Variants in TRRAP observed in about 807,000 individuals in gnomAD.
TRRAP encodes transformation/transcription domain-associated protein.
A neutral mutation model predicts 438.8 loss-of-function variants in TRRAP; 41 were observed. That is an observed-to-expected ratio of 0.09 (90% CI 0.07 to 0.12). The LOEUF is 0.12. Among genes scored for constraint, TRRAP ranks in the 10% least tolerant of loss-of-function variants. TRRAP has a pLI of 1.00. For synonymous variants in TRRAP, 1,994 were observed against 1,962.9 expected, an observed-to-expected ratio of 1.02 and a Z score of -0.42; for missense variants, 3,122 against 5,055.1, an observed-to-expected ratio of 0.62 and a Z score of 11.60.
At position 98,994,043 on chromosome 7, in the gene TRRAP, A is replaced by G. The variant is rs1426884590; in HGVS notation, c.10047+306A>G. ...CTGTTAACCAGGTGTGAGCAGGAGC[A>G]GTGGCATGAGTAACAGGGTTATAAT... On this transcript the variant is annotated intron_variant, in intron 66 of 72. Coordinates refer to ENST00000456197, the MANE Select transcript of TRRAP (RefSeq NM_001375524.1). This position sits in a 1 kb window ranked among gnomAD's most constrained non-coding sequence, Gnocchi z 4.8. Among the ~76,000 whole-genome samples, 1 of 152,230 alleles carries G rather than the reference A, an allele frequency of 6.6e-6. No individual in the cohort carries two copies. The highest frequency in any genetic ancestry group is 1.5e-5 in the Non-Finnish European group (1 of 68,036).
At position 98,956,572 on chromosome 7, in the gene TRRAP, G is replaced by C. The variant is rs1554419878; in HGVS notation, c.6231+39G>C. 1 of 1,592,234 alleles carries C rather than the reference G, an allele frequency of 6.3e-7. No individual in the cohort carries two copies. Among genetic ancestry groups the C allele is most frequent in the South Asian group, 1.1e-5 (1 of 87,342 alleles). On this transcript the variant is annotated intron_variant, in intron 43 of 72. Transcript: ENST00000456197. The surrounding 1 kb of genome is among the most constrained non-coding windows in gnomAD (Gnocchi z 4.5). ...CCTCTGTATGGGTGCTGCGCATTCTGCTGGGAGTTGGTTCGTTTATTCCCT... is the reference window on the plus strand; with the variant it reads ...CCTCTGTATGGGTGCTGCGCATTCTCCTGGGAGTTGGTTCGTTTATTCCCT...
rs1562967978 is a variant in TRRAP, at chr7:98,976,465, CAT to C, written c.7960-17_7960-16del. On this transcript the variant is annotated splice_polypyrimidine_tract_variant and intron_variant, in intron 54 of 72. Transcript: ENST00000456197. This position sits in a 1 kb window ranked among gnomAD's most constrained non-coding sequence, Gnocchi z 4.6. ...GATTTTTGAATGAAGGCCTAAATGA[CAT>C]GTGCTTTGGTTTCAGGCACTCGCGG... is the stretch of plus-strand genomic sequence containing the variant. 2 of 1,600,948 alleles carry C rather than the reference CAT, an allele frequency of 1.2e-6. No individual in the cohort carries two copies. Among genetic ancestry groups the C allele is most frequent in the Non-Finnish European group, 8.5e-7 (1 of 1,175,532 alleles).
intron 67 of TRRAP, chr7:98,999,434 C>G: frequency 5.1e-6 from 5 of 975,314 alleles, no homozygotes; most frequent in Non-Finnish European, 8.2e-6. Context: ...CAAAATCTAG[C>G]TCTGATGGGA....
Position 98,952,753 on chromosome 7 carries a change from G to C in TRRAP, c.5464-414G>C, listed in dbSNP as rs193012299. ...CAAAGAAGGGGACCAGGTAGGGGAA[G>C]AGTCAGTTCTGTGTTCATCTCATGC... On this transcript the variant is annotated intron_variant, in intron 39 of 72. Coordinates refer to ENST00000456197, the MANE Select transcript of TRRAP (RefSeq NM_001375524.1). Among the ~76,000 whole-genome samples the C allele has an allele frequency of 1.0e-3, 153 of 152,306 alleles. 1 individual carries two copies. Among genetic ancestry groups the C allele is most frequent in the African/African-American group, 3.6e-3 (149 of 41,566 alleles).
intron 3 of TRRAP, 152 bp from the exon 4 acceptor site, chr7:98,890,183 T>A: frequency 2.4e-6 from 1 of 416,520 alleles, no homozygotes; most frequent in Admixed American, 4.5e-5. Flanking sequence ...TCATCCTAAT[T>A]TAAAATTATG....
chr7:99,011,095 C>T lies in TRRAP; in HGVS notation c.10982C>T (p.Pro3661Leu), dbSNP rs746185285. ...ILKEVQSNMV[P>L]RSMLKEWALH... is the part of the protein sequence containing the mutation. ...AAGGAGGTTCAGAGTAACATGGTGC[C>T]GCGCAGCATGCTCAAGGAGTGGGCG... The change falls in exon 71 of 73, where the codon CCG becomes CTG. Residue 3661 changes from proline to leucine, a missense_variant. Physicochemically the swap from Pro to Leu is moderately conservative, Grantham distance 98. Coordinates refer to ENST00000456197, the MANE Select transcript of TRRAP (RefSeq NM_001375524.1). The surrounding 1 kb of genome is among the most constrained non-coding windows in gnomAD (Gnocchi z 7.1). The T allele has an allele frequency of 5.6e-6, 9 of 1,614,028 alleles. No individual in the cohort carries two copies. The highest frequency in any genetic ancestry group is 4.5e-5 in the East Asian group (2 of 44,890).
At chr7:98,935,526 A>ATTATG in intron 27 of TRRAP, 53 bp from the exon 28 acceptor site, 1 of 1,516,308 alleles carries the variant, frequency 6.6e-7, no homozygotes, top group Admixed American at 1.7e-5. Context: ...TTGCAAGGTT[A>ATTATG]TTATGTCTTC....
intron 47 of TRRAP, among the ~76,000 whole-genome samples, chr7:98,962,889 A>G (rs754750263): frequency 5.9e-5 from 9 of 152,056 alleles, no homozygotes; most frequent in Non-Finnish European, 1.0e-4. Flanking sequence ...CAGCTGGGTC[A>G]CTCTGGCCCC....
At chr7:98,975,586 T>C (rs986279642) in intron 53 of TRRAP, among the ~76,000 whole-genome samples, 1 of 152,258 alleles carries the variant, frequency 6.6e-6, no homozygotes, top group Non-Finnish European at 1.5e-5. Context: ...CGGGCTCTAG[T>C]TGTCCAGGCG....
chr7:98,882,066 ATTC>A, intron 3 of TRRAP, 42 bp downstream of exon 3: 1 of 1,541,502 alleles, frequency 6.5e-7, no homozygotes, highest in Non-Finnish European at 8.9e-7. Context: ...TGAGGTAAAT[ATTC>A]TTATTCACTT....
At position 98,967,635 on chromosome 7, in the gene TRRAP, T is replaced by C; in HGVS notation, c.7449T>C (p.Tyr2483=). The part of the protein sequence containing the change: ...MKRRVYERLL[Y]VTCSQNWEAM... ...GTCGTGTCTACGAGCGCTTGCTCTATGTGACCTGTTCGCAGAACTGGGAAG... is the reference window on the plus strand; with the variant it reads ...GTCGTGTCTACGAGCGCTTGCTCTACGTGACCTGTTCGCAGAACTGGGAAG... Residue 2483 remains tyrosine (Y), a synonymous_variant, in exon 51 of 73, where the codon TAT becomes TAC. Transcript: ENST00000456197. 6.2e-7 allele frequency: 1 copy of C among 1,614,090 alleles called. No individual in the cohort carries two copies. The highest frequency in any genetic ancestry group is 8.5e-7 in the Non-Finnish European group (1 of 1,180,030).
At chr7:98,927,526 T>G (rs571739790) in intron 23 of TRRAP, among the ~76,000 whole-genome samples, 160 bp downstream of exon 23, 1 of 152,332 alleles carries the variant, frequency 6.6e-6, no homozygotes, top group South Asian at 2.1e-4. Flanking sequence ...CATTGATAAT[T>G]GGTATTTCAG....
intron 69 of TRRAP, among the ~76,000 whole-genome samples, chr7:99,006,930 G>T (rs572650220): frequency 4.2e-4 from 64 of 152,366 alleles, no homozygotes; most frequent in Admixed American, 1.1e-3. Context: ...TGACGTCACT[G>T]GGGAGACAGG....
At chr7:99,004,476 T>C (rs919205803) in intron 68 of TRRAP, 61 bp downstream of exon 68, 108 of 1,487,186 alleles carry the variant, frequency 7.3e-5, no homozygotes, top group Non-Finnish European at 9.7e-5. Context: ...TGGAGCCCCA[T>C]GGGAGCTCCA....
intron 30 of TRRAP, 70 bp downstream of exon 30, chr7:98,937,890 T>C: frequency 6.8e-7 from 1 of 1,462,680 alleles, no homozygotes; most frequent in South Asian, 1.4e-5. Context: ...AAATAAATAA[T>C]GCAGCTGGGC....
chr7:99,011,556 A>T lies in TRRAP; in HGVS notation c.11337+21A>T. The T allele has an allele frequency of 1.2e-6, 2 of 1,607,942 alleles. No homozygotes were observed. The highest frequency in any genetic ancestry group is 1.7e-6 in the Non-Finnish European group (2 of 1,177,112). On this transcript the variant is annotated intron_variant, in intron 72 of 72. Coordinates refer to ENST00000456197, the MANE Select transcript of TRRAP (RefSeq NM_001375524.1). This position sits in a 1 kb window ranked among gnomAD's most constrained non-coding sequence, Gnocchi z 7.1. Reference sequence around the variant, plus strand: ...TTAAGGTGGGTCTCCACGTCGTCCTATCACAGGCGCAGGCTAGAGCCACTC... The same window carrying T: ...TTAAGGTGGGTCTCCACGTCGTCCTTTCACAGGCGCAGGCTAGAGCCACTC...
At position 98,933,394 on chromosome 7, in the gene TRRAP, T is replaced by C. The variant is rs1554413422; in HGVS notation, c.4006T>C (p.Tyr1336His). ...TAACGTGGTGGAGCATAAGGTGTTC[T>C]ACACAGAGGTAGGGGGGTGGTGGTG... ...DLNVVEHKVF[Y>H]TELLNLCEAE... is the part of the protein sequence containing the mutation. The change falls in exon 27 of 73, where the codon TAC becomes CAC. Residue 1336 changes from tyrosine to histidine, a missense_variant. Around this residue, in one of 24 missense-constraint regions of TRRAP, gnomAD observed 84 missense variants for 119.8 expected, o/e 0.70. Coordinates refer to ENST00000456197, the MANE Select transcript of TRRAP (RefSeq NM_001375524.1). 6.2e-7 allele frequency: 1 copy of C among 1,613,518 alleles called. No individual in the cohort carries two copies. The highest frequency in any genetic ancestry group is 2.2e-5 in the East Asian group (1 of 44,872).
intron 53 of TRRAP, among the ~76,000 whole-genome samples, chr7:98,973,249 G>A (rs902562786): frequency 6.6e-6 from 1 of 152,084 alleles, no homozygotes; most frequent in African/African-American, 2.4e-5. Flanking sequence ...CAAAGTGCTG[G>A]GATTACAGGC....
At chr7:98,938,989 A>G (rs562948018) in intron 30 of TRRAP, among the ~76,000 whole-genome samples, 1 of 152,358 alleles carries the variant, frequency 6.6e-6, no homozygotes, top group African/African-American at 2.4e-5. Flanking sequence ...AGAAATAATT[A>G]TGCAGGAAAA....
Sources: allele counts gnomAD v4.1 joint callset (sites outside exome capture counted in the v4.1 genomes callset), GRCh38; gene constraint gnomAD v4.1.1; regional missense constraint gnomAD v4.1.1; non-coding constraint Gnocchi (gnomAD v3.1); transcripts MANE v1.5; gene names NCBI Gene and HGNC (gene_info 2026-07-23, HGNC 2026-07-21).